FUT8: variants seen among roughly 807,000 people sequenced by gnomAD.
The protein encoded by FUT8 is fucosyltransferase 8.
A neutral mutation model predicts 71.3 loss-of-function variants in FUT8; 29 were observed. The observed-to-expected ratio is 0.41, with a 90% CI of 0.30 to 0.55. The LOEUF is 0.55. Among genes scored for constraint, FUT8 ranks in the 20% least tolerant of loss-of-function variants. The pLI is 0.34. For synonymous variants in FUT8, 254 were observed against 239.3 expected (o/e 1.06, Z -0.57); for missense variants, 544 against 702.1 (o/e 0.77, Z 2.55).
chr14:65,570,309 A>G (rs886461674), intron 3 of FUT8, among the ~76,000 whole-genome samples: 5 of 152,086 alleles, frequency 3.3e-5, no homozygotes, highest in African/African-American at 1.2e-4. Context: ...CTTCCCAAGT[A>G]AGAACATAGC....
At chr14:65,468,483 C>T (rs924933342) in intron 2 of FUT8, 3 of 296,122 alleles carry the variant, frequency 1.0e-5, no homozygotes, top group African/African-American at 2.4e-5. Flanking sequence ...TTCTTTATTT[C>T]TCTGTGGATA....
intron 6 of FUT8, among the ~76,000 whole-genome samples, chr14:65,633,757 T>G (rs958423899): frequency 3.3e-5 from 5 of 151,128 alleles, no homozygotes; most frequent in Non-Finnish European, 7.4e-5. Context: ...CCGCCCCGTC[T>G]GAGAAGTGAG....
the FUT8 span, among the ~76,000 whole-genome samples, chr14:65,364,460 C>T: frequency 6.6e-6 from 1 of 152,146 alleles, no homozygotes; most frequent in African/African-American, 2.4e-5. Context: ...GCCTCGGCCT[C>T]CCAAAGTGCT....
chr14:65,412,278 C>G (rs1035105478), upstream of FUT8: 23 of 403,264 alleles, frequency 5.7e-5, 3 homozygotes, highest in African/African-American at 4.6e-4. Context: ...AGGGGCTGAG[C>G]AGCAGCAGCG....
chr14:65,492,033 A>G (rs1022197283), intron 2 of FUT8, among the ~76,000 whole-genome samples: 1 of 152,178 alleles, frequency 6.6e-6, no homozygotes, highest in Non-Finnish European at 1.5e-5. Flanking sequence ...CATTAAAAAA[A>G]TGAATAATTT....
intron 7 of FUT8, among the ~76,000 whole-genome samples, chr14:65,676,743 GA>G (rs1892736166): frequency 6.6e-6 from 1 of 152,078 alleles, no homozygotes; most frequent in Non-Finnish European, 1.5e-5. Flanking sequence ...CCAAAGTATA[GA>G]AAAAGAAGAT....
At chr14:65,374,242 G>A in the FUT8 span, among the ~76,000 whole-genome samples, 3 of 152,180 alleles carry the variant, frequency 2.0e-5, no homozygotes, top group African/African-American at 7.2e-5. Context: ...TGAGAATAGA[G>A]ATAAATGTGA....
rs368598339 is a variant in FUT8 at position 65,596,056 on chromosome 14, T to C, written c.204-19922T>C. ...TAAATTTATCTAATAACAGTAGAAATGAAGTTTGTAGAATGACCTGACAAA... is the reference window on the plus strand; with the variant it reads ...TAAATTTATCTAATAACAGTAGAAACGAAGTTTGTAGAATGACCTGACAAA... On this transcript the variant is annotated intron_variant, in intron 3 of 10. Coordinates refer to ENST00000673929, the MANE Select transcript of FUT8 (RefSeq NM_001371533.1). 2.9e-3 allele frequency among the ~76,000 whole-genome samples: 438 copies of C among 152,332 alleles called. 2 individuals carry two copies. Among genetic ancestry groups the C allele is most frequent in the African/African-American group, 9.9e-3 (411 of 41,574 alleles).
At chr14:65,539,246 T>G (rs1884533568) in intron 2 of FUT8, among the ~76,000 whole-genome samples, 1 of 152,204 alleles carries the variant, frequency 6.6e-6, no homozygotes, top group South Asian at 2.1e-4. Flanking sequence ...TGCTTACCAT[T>G]GAAATTCATA....
At chr14:65,578,590 G>A (rs1316001564) in intron 3 of FUT8, among the ~76,000 whole-genome samples, 1 of 152,122 alleles carries the variant, frequency 6.6e-6, no homozygotes, top group African/African-American at 2.4e-5. Context: ...GCTATTGTTA[G>A]TGTATTTTAT....
intron 6 of FUT8, among the ~76,000 whole-genome samples, chr14:65,654,843 C>A (rs1891588556): frequency 6.6e-6 from 1 of 151,630 alleles, no homozygotes. Flanking sequence ...TCTAAACATA[C>A]CAGTTAAGAA....
chr14:65,564,325 A>G (rs1469647263), intron 3 of FUT8, among the ~76,000 whole-genome samples: 1 of 152,124 alleles, frequency 6.6e-6, no homozygotes, highest in Non-Finnish European at 1.5e-5. Context: ...AAAGCAACAC[A>G]AAAGCTTGAA....
intron 1 of FUT8, among the ~76,000 whole-genome samples, chr14:65,455,115 G>A (rs775463075): frequency 6.6e-6 from 1 of 152,178 alleles, no homozygotes; most frequent in Non-Finnish European, 1.5e-5. Context: ...ATTGCAGGGT[G>A]ACAACTGAGA....
intron 2 of FUT8, among the ~76,000 whole-genome samples, chr14:65,530,679 G>A (rs548631093): frequency 3.8e-4 from 58 of 151,968 alleles, no homozygotes; most frequent in Middle Eastern, 3.4e-3. Context: ...CAACTGATGC[G>A]TTAAATTAAA....
At chr14:65,555,732 A>G (rs1374530078) in intron 2 of FUT8, among the ~76,000 whole-genome samples, 3 of 152,196 alleles carry the variant, frequency 2.0e-5, no homozygotes, top group Non-Finnish European at 4.4e-5. Flanking sequence ...CCTTTGCCCA[A>G]TATCTGAAAA....
intron 2 of FUT8, among the ~76,000 whole-genome samples, chr14:65,495,722 A>T (rs2066548369): frequency 6.6e-6 from 1 of 152,190 alleles, no homozygotes; most frequent in Non-Finnish European, 1.5e-5. Flanking sequence ...CCATTTTCTG[A>T]ATTTGTAATA....
chr14:65,458,527 T>A lies in FUT8; in HGVS notation c.-228+2809T>A, dbSNP rs528349836. Among the ~76,000 whole-genome samples, 547 of 152,244 alleles carry A rather than the reference T, an allele frequency of 3.6e-3. 2 individuals are homozygous for A. The highest frequency in any genetic ancestry group is 0.013 in the African/African-American group (520 of 41,536). On this transcript the variant is annotated intron_variant, in intron 2 of 10. Transcript: ENST00000673929. ...TTGAATATTTATAAGGAAACTGTAGTTCATTATTTGTTATAGAAATAAAAA... is the reference window on the plus strand; with the variant it reads ...TTGAATATTTATAAGGAAACTGTAGATCATTATTTGTTATAGAAATAAAAA...
intron 10 of FUT8, among the ~76,000 whole-genome samples, chr14:65,739,508 T>C (rs1368967089): frequency 6.6e-6 from 1 of 152,032 alleles, no homozygotes; most frequent in African/African-American, 2.4e-5. Context: ...CAGGGTGCGA[T>C]GTTGTTTTTA....
At position 65,652,913 on chromosome 14, in the gene FUT8, A is replaced by G. The variant is rs1891478623; in HGVS notation, c.598-16330A>G. On this transcript the variant is annotated intron_variant, in intron 6 of 10. Coordinates refer to ENST00000673929, the MANE Select transcript of FUT8 (RefSeq NM_001371533.1). This position sits in a 1 kb window ranked among gnomAD's most constrained non-coding sequence, Gnocchi z 4.0. Reference sequence around the variant, plus strand: ...TTGGAGCATGCGATAGCAGGGGATCATTGGCCATCTCTCTCTGTATTGGTC... The same window carrying G: ...TTGGAGCATGCGATAGCAGGGGATCGTTGGCCATCTCTCTCTGTATTGGTC... Among the ~76,000 whole-genome samples the G allele has an allele frequency of 6.6e-6, 1 of 152,202 alleles. No homozygotes were observed. The highest frequency in any genetic ancestry group is 2.4e-5 in the African/African-American group (1 of 41,454).
Sources: gnomAD v4.1 joint callset for allele counts (sites outside exome capture counted in the v4.1 genomes callset) on GRCh38, gnomAD v4.1.1 for gene constraint, Gnocchi (gnomAD v3.1) non-coding constraint, MANE v1.5 for transcripts, NCBI Gene and HGNC (gene_info 2026-07-23, HGNC 2026-07-21) for gene names.